Variants in CDH23 observed in about 807,000 individuals in gnomAD.
The protein encoded by CDH23 is cadherin related 23, also known as cadherin-23.
Under a neutral mutation model 317.1 loss-of-function variants are expected in CDH23, and 189 were observed. That is an observed-to-expected ratio of 0.60 (90% CI 0.53 to 0.67). The LOEUF (loss-of-function observed/expected upper bound fraction) is 0.67. CDH23 is among the 30% of genes least tolerant of loss of function. The probability of loss-of-function intolerance (pLI) is 0.00; values close to 1 mark genes in which losing one functional copy is unlikely to be tolerated. For synonymous variants in CDH23, 1,839 were observed against 1,876.8 expected (o/e 0.98, Z 0.52); for missense variants, 4,401 against 4,592.4 (o/e 0.96, Z 1.20).
chr10:71,516,441 T>A (rs1321131232), intron 6 of CDH23, among the ~76,000 whole-genome samples: 1 of 152,244 alleles, frequency 6.6e-6, no homozygotes, highest in Non-Finnish European at 1.5e-5. Flanking sequence ...CACCTCTCCA[T>A]GTCCCTTAAC....
At chr10:71,726,420 A>G (rs2132808731) in intron 30 of CDH23, among the ~76,000 whole-genome samples, 1 of 152,292 alleles carries the variant, frequency 6.6e-6, no homozygotes, top group South Asian at 2.1e-4. Flanking sequence ...CACAAACACG[A>G]TGGGTCTGAT....
chr10:71,473,018 A>T (rs1429802089), intron 3 of CDH23, among the ~76,000 whole-genome samples: 1 of 152,186 alleles, frequency 6.6e-6, no homozygotes, highest in Non-Finnish European at 1.5e-5. Context: ...CCTGGGCTGG[A>T]ACTCAGGGTC....
At position 71,647,068 on chromosome 10, in the gene CDH23, C is replaced by G. The variant is rs566510749; in HGVS notation, c.1449+451C>G. Reference sequence around the variant, plus strand: ...TGGACTTGCCCTTTGACAAGGGGCCCTCCCAGTGTCATTTGTATCTGTCAG... The same window carrying G: ...TGGACTTGCCCTTTGACAAGGGGCCGTCCCAGTGTCATTTGTATCTGTCAG... On this transcript the variant is annotated intron_variant, in intron 14 of 69. Coordinates refer to ENST00000224721, the MANE Select transcript of CDH23 (RefSeq NM_022124.6). 4.6e-5 allele frequency: 45 copies of G among 985,370 alleles called. No individual in the cohort carries two copies. The African/African-American group carries it at 7.1e-4, about 16-fold the overall frequency. The allele number at this position is 985,370 out of a possible 1,614,324, so 61.0% of individuals were successfully genotyped here.
At chr10:71,646,805 G>T in intron 14 of CDH23, 188 bp downstream of exon 14, 1 of 1,526,622 alleles carries the variant, frequency 6.6e-7, no homozygotes, top group Non-Finnish European at 8.8e-7. Context: ...CTTGACCTAG[G>T]TTGCAATATG....
chr10:71,793,307 G>T lies in CDH23; in HGVS notation c.6379G>T (p.Val2127Phe), dbSNP rs765026901. 3.8e-5 allele frequency: 62 copies of T among 1,614,016 alleles called. No homozygotes were observed. The highest frequency in any genetic ancestry group is 5.2e-5 in the Non-Finnish European group (61 of 1,179,888). ...LIHLVTGVIR[V>F]GNATIDREEQ... ...TCATCTGGTCACCGGGGTCATCCGT[G>T]TTGGTAATGCCACCATCGACAGAGA... Residue 2127 changes from valine (V) to phenylalanine (F), a missense_variant, in exon 48 of 70, where the codon GTT becomes TTT. Transcript: ENST00000224721.
chr10:71,741,167 A>T (rs1839722519), intron 37 of CDH23, among the ~76,000 whole-genome samples: 1 of 152,238 alleles, frequency 6.6e-6, no homozygotes, highest in Admixed American at 6.5e-5. Context: ...AAAGAGAAAA[A>T]GAAGAAAGTT....
chr10:71,669,050 C>T (rs1564721402), intron 14 of CDH23, among the ~76,000 whole-genome samples: 1 of 152,236 alleles, frequency 6.6e-6, no homozygotes, highest in African/African-American at 2.4e-5. Flanking sequence ...CGGCTGCACC[C>T]TCTCCCCCAC....
chr10:71,680,823 C>CTTTTTT (rs1864605905), intron 17 of CDH23, among the ~76,000 whole-genome samples: 2 of 41,440 alleles, frequency 4.8e-5, no homozygotes, highest in Non-Finnish European at 1.1e-4. Flanking sequence ...TTTTTTTTTT[C>CTTTTTT]TTTTTCTTTT....
chr10:71,793,120 C>A, intron 47 of CDH23, 62 bp from the exon 48 acceptor site: 1 of 1,274,682 alleles, frequency 7.8e-7, no homozygotes, highest in Non-Finnish European at 1.1e-6. Context: ...ACAAATGTGT[C>A]TTGGTAGATC....
chr10:71,720,476 C>G (rs920635274), intron 28 of CDH23, among the ~76,000 whole-genome samples: 1 of 151,988 alleles, frequency 6.6e-6, no homozygotes, highest in Non-Finnish European at 1.5e-5. Context: ...TTCTTTCTCC[C>G]CAGAAGCCAG....
chr10:71,597,181 A>G (rs925578006), intron 9 of CDH23, among the ~76,000 whole-genome samples: 1 of 146,272 alleles, frequency 6.8e-6, no homozygotes, highest in Non-Finnish European at 1.5e-5. Flanking sequence ...AGGCCTGGGC[A>G]GGAACCGATG....
intron 9 of CDH23, among the ~76,000 whole-genome samples, chr10:71,604,309 T>C (rs1860404184): frequency 6.6e-6 from 1 of 152,106 alleles, no homozygotes; most frequent in Non-Finnish European, 1.5e-5. Flanking sequence ...AAAAGAATTT[T>C]AAAAGCTAAG....
rs1386369104 is a variant in CDH23, at chr10:71,704,950, G to A, written c.2773G>A (p.Val925Met). The change falls in exon 25 of 70, where the codon GTG becomes ATG. Residue 925 changes from valine (V) to methionine (M), a missense_variant. Transcript: ENST00000224721. ...IDLDEGLNGL[V>M]SYRMPVGMPR... ...CCTCGATGAGGGCCTGAACGGCCTG[G>A]TGTCCTACCGCATGCCGGTGGGCAT... The A allele has an allele frequency of 1.2e-6, 2 of 1,612,822 alleles. No homozygotes were observed. The highest frequency in any genetic ancestry group is 4.5e-5 in the East Asian group (2 of 44,870).
chr10:71,421,039 C>T (rs1848789221), intron 1 of CDH23, among the ~76,000 whole-genome samples: 1 of 152,238 alleles, frequency 6.6e-6, no homozygotes, highest in South Asian at 2.1e-4. Context: ...TGCTGCTCCC[C>T]TGCCTGTGGG....
chr10:71,552,335 G>A lies in CDH23; in HGVS notation c.430-14407G>A, dbSNP rs75529501. Among the ~76,000 whole-genome samples, 711 of 152,336 alleles carry A rather than the reference G, an allele frequency of 4.7e-3. 4 individuals are homozygous for A. Among genetic ancestry groups the A allele is most frequent in the African/African-American group, 0.016 (663 of 41,576 alleles). On this transcript the variant is annotated intron_variant, in intron 6 of 69. Transcript: ENST00000224721. Reference sequence around the variant, plus strand: ...GGAGGGACAGGGCAACAGGGGGCCAGGCCTCTGGCGTCCTGGCTTATAGTG... The same window carrying A: ...GGAGGGACAGGGCAACAGGGGGCCAAGCCTCTGGCGTCCTGGCTTATAGTG...
intron 14 of CDH23, among the ~76,000 whole-genome samples, chr10:71,650,221 G>A (rs4746093): frequency 0.19 from 28,735 of 152,210 alleles, 2,976 homozygotes; most frequent in East Asian, 0.35. Context: ...CAGGGACAGA[G>A]CTGTGTGAGT....
chr10:71,724,232 G>A, intron 29 of CDH23, 127 bp downstream of exon 29: 1 of 919,812 alleles, frequency 1.1e-6, no homozygotes, highest in Admixed American at 2.3e-5. Flanking sequence ...ATGGGGCGAG[G>A]CCAGAGGGAG....
At chr10:71,658,374 A>C (rs1307485564) in intron 14 of CDH23, among the ~76,000 whole-genome samples, 1 of 152,172 alleles carries the variant, frequency 6.6e-6, no homozygotes, top group Non-Finnish European at 1.5e-5. Context: ...CTGCCTCGGA[A>C]GTGAATTGTC....
chr10:71,697,817 G>T (rs1865449717), intron 22 of CDH23, among the ~76,000 whole-genome samples: 1 of 152,278 alleles, frequency 6.6e-6, no homozygotes, highest in Non-Finnish European at 1.5e-5. Context: ...CTGCCCCATT[G>T]TCACCCCTGA....
Sources: gnomAD v4.1 joint callset for allele counts (sites outside exome capture counted in the v4.1 genomes callset) on GRCh38, gnomAD v4.1.1 for gene constraint, MANE v1.5 for transcripts, NCBI Gene and HGNC (gene_info 2026-07-23, HGNC 2026-07-21) for gene names.